Variants in TEX10 observed in about 807,000 individuals in gnomAD.
TEX10 encodes testis-expressed protein 10.
TEX10 carries 24 observed loss-of-function variants against 104.4 expected under a neutral mutation model. The ratio of observed to expected loss-of-function variants is 0.23; its 90% CI spans 0.17 to 0.32. The LOEUF (loss-of-function observed/expected upper bound fraction) is 0.32, where lower values mean the gene tolerates loss of function less well. TEX10 is among the 10% of genes least tolerant of loss of function. The pLI, the probability that TEX10 is intolerant of heterozygous loss-of-function variation, is 1.00. For synonymous variants in TEX10, 396 were observed against 393.4 expected, an observed-to-expected ratio of 1.01 and a Z score of -0.08; for missense variants, 921 against 1,083.9, an observed-to-expected ratio of 0.85 and a Z score of 2.11.
At position 100,320,313 on chromosome 9, in the gene TEX10, G is replaced by T; in HGVS notation, c.2154C>A (p.Leu718=). The change falls in exon 11 of 15, where the codon CTC becomes CTA. Residue 718 remains leucine (L), a synonymous_variant. Coordinates refer to ENST00000374902, the MANE Select transcript of TEX10 (RefSeq NM_017746.4). ...VIQTQLSPVL[L]YLTDLDQFLH... ...AAAATTGATCCAAATCTGTAAGGTA[G>T]AGAAGCACAGGGGAAAGCTGTGTCT... 6.2e-7 allele frequency: 1 copy of T among 1,613,252 alleles called. No individual in the cohort carries two copies. The highest frequency in any genetic ancestry group is 1.1e-5 in the South Asian group (1 of 90,926).
At chr9:100,343,161 TA>T (rs1448482802) in intron 4 of TEX10, among the ~76,000 whole-genome samples, 1 of 149,566 alleles carries the variant, frequency 6.7e-6, no homozygotes, top group Non-Finnish European at 1.5e-5. Flanking sequence ...TAAAAATAAA[TA>T]AAAACTAGTT....
rs186233526 is a variant in TEX10 at position 100,341,110 on chromosome 9, G to A, written c.1138-741C>T. Among the ~76,000 whole-genome samples the A allele has an allele frequency of 9.2e-5, 14 of 152,224 alleles. No homozygotes were observed. The East Asian group carries it at 2.7e-3, about 29-fold the overall frequency. On this transcript the variant is annotated intron_variant, in intron 4 of 14. Coordinates refer to ENST00000374902, the MANE Select transcript of TEX10 (RefSeq NM_017746.4). ...ATCTCCTGAGTAGCTGGGATTACAG[G>A]TGCCCATTACCACGCTCGGCTAATT...
In TEX10 at chr9:100,310,368, G is replaced by A; in HGVS notation, c.2214C>T (p.His738=). 6.2e-7 allele frequency: 1 copy of A among 1,613,690 alleles called. No homozygotes were observed. Among genetic ancestry groups the A allele is most frequent in the Non-Finnish European group, 8.5e-7 (1 of 1,179,864 alleles). ...TTCGGGCAGGAATAACCAATAAACT[G>A]TGAAAAACTGCCTGTCAGAAAAGGA... ...HHWDVTEAVF[H]SLLVIPARSQ... Residue 738 remains histidine (H), a synonymous_variant, in exon 12 of 15, where the codon CAC becomes CAT. Transcript: ENST00000374902.
chr9:100,303,981 C>T (rs369637482), intron 13 of TEX10, 139 bp from the exon 14 acceptor site: 44 of 760,176 alleles, frequency 5.8e-5, no homozygotes, highest in South Asian at 3.7e-4. Flanking sequence ...AAATCAAGAA[C>T]GCAATCTCAC....
chr9:100,303,646 T>G lies in TEX10; in HGVS notation c.2662A>C (p.Ile888Leu). Residue 888 changes from isoleucine to leucine, a missense_variant, in exon 14 of 15, where the codon ATC (isoleucine) becomes CTC (leucine). Physicochemically the swap from Ile to Leu is conservative, Grantham distance 5. Around this residue, in one of 3 missense-constraint regions of TEX10, gnomAD observed 753 missense variants for 868.4 expected, o/e 0.87. Coordinates refer to ENST00000374902, the MANE Select transcript of TEX10 (RefSeq NM_017746.4). ...LTNAILVQQI[I>L]KNITTLKSGS... ...ATGCTTCTTACCGTGATATTCTTGA[T>G]GATCTGCTGCACCAAGATCGCATTG... 1 of 1,614,142 alleles carries G rather than the reference T, an allele frequency of 6.2e-7. No individual in the cohort carries two copies. The highest frequency in any genetic ancestry group is 8.5e-7 in the Non-Finnish European group (1 of 1,180,032).
At chr9:100,309,763 A>G (rs1834227512) in intron 12 of TEX10, among the ~76,000 whole-genome samples, 1 of 152,244 alleles carries the variant, frequency 6.6e-6, no homozygotes, top group African/African-American at 2.4e-5. Flanking sequence ...ATAAGAGTAT[A>G]AACACTGGAG....
Position 100,303,663 on chromosome 9 carries a change from A to G in TEX10, c.2645T>C (p.Ile882Thr). The G allele has an allele frequency of 2.5e-6, 4 of 1,614,056 alleles. No individual in the cohort carries two copies. Among genetic ancestry groups the G allele is most frequent in the Non-Finnish European group, 3.4e-6 (4 of 1,180,008 alleles). Residue 882 changes from isoleucine (I) to threonine (T), a missense_variant, in exon 14 of 15, where the codon ATC becomes ACC. This residue lies in a region of TEX10 where 753 missense variants were observed against 868.4 expected (regional missense o/e 0.87). Coordinates refer to ENST00000374902, the MANE Select transcript of TEX10 (RefSeq NM_017746.4). ...PLRTHMLTNAILVQQIIKNIT... is the reference protein window; with the variant it reads ...PLRTHMLTNATLVQQIIKNIT... ...ATTCTTGATGATCTGCTGCACCAAG[A>G]TCGCATTGGTCAACATATGAGTCCT...
chr9:100,310,938 A>C (rs1329425095), intron 11 of TEX10, among the ~76,000 whole-genome samples: 1 of 152,050 alleles, frequency 6.6e-6, no homozygotes. Flanking sequence ...AGAATGAGAA[A>C]CCTTCTCTTC....
rs564447961 is a variant in TEX10 at position 100,303,254 on chromosome 9, G to A, written c.2676+378C>T. 1.3e-3 allele frequency among the ~76,000 whole-genome samples: 202 copies of A among 152,220 alleles called. 1 individual carries two copies. The highest frequency in any genetic ancestry group is 9.3e-4 in the Non-Finnish European group (63 of 68,008). On this transcript the variant is annotated intron_variant, in intron 14 of 14. Coordinates refer to ENST00000374902, the MANE Select transcript of TEX10 (RefSeq NM_017746.4). ...TTTTTACAGATAGGAAAACAAGCTTGGATAGGTAAGAAAGAAAGAAAAAAA... is the reference window on the plus strand; with the variant it reads ...TTTTTACAGATAGGAAAACAAGCTTAGATAGGTAAGAAAGAAAGAAAAAAA...
chr9:100,303,566 C>A, intron 14 of TEX10, 66 bp downstream of exon 14: 2 of 1,563,178 alleles, frequency 1.3e-6, no homozygotes, highest in Non-Finnish European at 1.8e-6. Flanking sequence ...ACACTTTCCC[C>A]CATGCCCCCG....
intron 11 of TEX10, among the ~76,000 whole-genome samples, chr9:100,312,847 AC>A (rs1834313602): frequency 6.6e-6 from 1 of 152,206 alleles, no homozygotes; most frequent in Admixed American, 6.5e-5. Flanking sequence ...TAAACACAGT[AC>A]CAGGCACTAT....
intron 4 of TEX10, among the ~76,000 whole-genome samples, chr9:100,343,725 ATC>A (rs1338984961): frequency 6.6e-6 from 1 of 152,222 alleles, no homozygotes; most frequent in African/African-American, 2.4e-5. Flanking sequence ...CTAAGACTAT[ATC>A]TAACCGAGAC....
intron 1 of TEX10, among the ~76,000 whole-genome samples, chr9:100,352,106 T>G (rs1470867295): frequency 6.6e-6 from 1 of 152,226 alleles, no homozygotes; most frequent in South Asian, 2.1e-4. Context: ...GCCTGCCACC[T>G]TCTTACCCTT....
At chr9:100,315,196 T>C (rs968862569) in intron 11 of TEX10, among the ~76,000 whole-genome samples, 3 of 152,164 alleles carry the variant, frequency 2.0e-5, no homozygotes, top group Non-Finnish European at 2.9e-5. Flanking sequence ...GGGAGATAGG[T>C]AGTTCTATGT....
At chr9:100,308,822 C>A (rs573912441) in intron 12 of TEX10, 141 bp from the exon 13 acceptor site, 88 of 625,512 alleles carry the variant, frequency 1.4e-4, no homozygotes, top group Non-Finnish European at 1.6e-4. Flanking sequence ...CCACCTGCCA[C>A]ACCTTAAGGT....
chr9:100,339,470 A>T (rs1835116164), intron 5 of TEX10, among the ~76,000 whole-genome samples: 1 of 151,284 alleles, frequency 6.6e-6, no homozygotes, highest in Non-Finnish European at 1.5e-5. Context: ...GTTCACAGTA[A>T]GCAACCAAAA....
chr9:100,339,936 A>C (rs1478929613), intron 5 of TEX10, among the ~76,000 whole-genome samples: 1 of 152,152 alleles, frequency 6.6e-6, no homozygotes, highest in East Asian at 1.9e-4. Flanking sequence ...TCTCTTGCTT[A>C]AGAGGTTCAA....
intron 2 of TEX10, among the ~76,000 whole-genome samples, 191 bp from the exon 3 acceptor site, chr9:100,347,597 T>C (rs892207932): frequency 6.6e-6 from 1 of 152,208 alleles, no homozygotes; most frequent in East Asian, 1.9e-4. Flanking sequence ...AATAAAAACA[T>C]TGCATAATTT....
chr9:100,329,262 A>C lies in TEX10; in HGVS notation c.1503T>G (p.Thr501=). The C allele has an allele frequency of 1.2e-6, 2 of 1,605,702 alleles. No homozygotes were observed. Among genetic ancestry groups the C allele is most frequent in the Non-Finnish European group, 1.7e-6 (2 of 1,178,240 alleles). The change falls in exon 7 of 15, where the codon ACT becomes ACG. Residue 501 remains threonine, a synonymous_variant. Coordinates refer to ENST00000374902, the MANE Select transcript of TEX10 (RefSeq NM_017746.4). ...ATAATGTATAAACTGCCTTAATAAG[A>C]GTCTCTGTGTCCTCTACAAACAGAA... ...QIQPNREDTE[T]LIKAVYTLYQ... is the part of the protein sequence containing the mutation.
Sources: allele counts gnomAD v4.1 joint callset (sites outside exome capture counted in the v4.1 genomes callset), GRCh38; gene constraint gnomAD v4.1.1; regional missense constraint gnomAD v4.1.1; transcripts MANE v1.5; gene names NCBI Gene and HGNC (gene_info 2026-07-23, HGNC 2026-07-21).